LRRC9: variants seen among roughly 807,000 people sequenced by gnomAD.
LRRC9 encodes leucine rich repeat containing 9.
In LRRC9, 122 loss-of-function variants were observed where a neutral mutation model predicts 63.2. That is an observed-to-expected ratio of 1.93 (90% CI 1.67 to 2.24). The LOEUF is 2.24. Ranked by LOEUF, LRRC9 falls within the 30% of genes most tolerant of loss-of-function variation. The pLI, the probability that LRRC9 is intolerant of heterozygous loss-of-function variation, is 0.00. For missense variants in LRRC9, 1,071 were observed against 627.7 expected (o/e 1.71, Z -7.55); for synonymous variants, 366 against 213.1 (o/e 1.72, Z -6.25).
chr14:59,951,868 C>T (rs1340274708), intron 8 of LRRC9, among the ~76,000 whole-genome samples: 2 of 152,290 alleles, frequency 1.3e-5, no homozygotes, highest in African/African-American at 2.4e-5. Context: ...CTCAGATCTC[C>T]AGCTGCGTTC....
In LRRC9 at chr14:59,923,963, A is replaced by G. The variant is rs1449510700; in HGVS notation, c.-33-3948A>G. Among the ~76,000 whole-genome samples, 1 of 152,208 alleles carries G rather than the reference A, an allele frequency of 6.6e-6. No individual in the cohort carries two copies. Among genetic ancestry groups the G allele is most frequent in the Non-Finnish European group, 1.5e-5 (1 of 68,034 alleles). On this transcript the variant is annotated intron_variant, in intron 1 of 31. Coordinates refer to ENST00000445360, the Ensembl canonical transcript of LRRC9. The surrounding 1 kb of genome is among the most constrained non-coding windows in gnomAD (Gnocchi z 4.2). ...TCCGTCTTAAAACAACAATAACAAC[A>G]ACAAAAAACAGATACTCGTGCAGGA... is the stretch of plus-strand genomic sequence containing the variant.
At chr14:59,929,991 A>G (rs1157962358) in intron 3 of LRRC9, among the ~76,000 whole-genome samples, 2 of 151,996 alleles carry the variant, frequency 1.3e-5, no homozygotes, top group Non-Finnish European at 2.9e-5. Context: ...CGTGGGTGAT[A>G]AAGTAATCTG....
At chr14:60,023,637 ATTACT>A (rs1169505498) in intron 27 of LRRC9, among the ~76,000 whole-genome samples, 8 of 152,114 alleles carry the variant, frequency 5.3e-5, no homozygotes, top group East Asian at 1.9e-4. Flanking sequence ...AATAAGCCTC[ATTACT>A]TTACAGTAAT....
At chr14:60,011,276 A>G (rs1292723880) in intron 23 of LRRC9, among the ~76,000 whole-genome samples, 2 of 152,148 alleles carry the variant, frequency 1.3e-5, no homozygotes, top group African/African-American at 4.8e-5. Context: ...TAAAACCATC[A>G]GATCTCATGA....
At chr14:59,965,293 C>A (rs369368471) in intron 10 of LRRC9, among the ~76,000 whole-genome samples, 1 of 152,148 alleles carries the variant, frequency 6.6e-6, no homozygotes, top group Non-Finnish European at 1.5e-5. Context: ...AATATCTTAA[C>A]GTCTCTGAAA....
rs938023879 is a variant in LRRC9, at chr14:59,923,515, A to AT, written c.-34+3638dup. On this transcript the variant is annotated intron_variant, in intron 1 of 31. Transcript: ENST00000445360. The surrounding 1 kb of genome is among the most constrained non-coding windows in gnomAD (Gnocchi z 4.2). Reference sequence around the variant, plus strand: ...CAACCTCAACCAAAATCCCAACTGCATTTTTTAAAACTAAATACAAAATAA... The same window carrying AT: ...CAACCTCAACCAAAATCCCAACTGCATTTTTTTAAAACTAAATACAAAATAA... Among the ~76,000 whole-genome samples the AT allele has an allele frequency of 7.6e-4, 116 of 152,364 alleles. No individual in the cohort carries two copies. Among genetic ancestry groups the AT allele is most frequent in the African/African-American group, 2.4e-3 (101 of 41,592 alleles).
chr14:59,941,460 G>T (rs1343096252), intron 7 of LRRC9, among the ~76,000 whole-genome samples: 1 of 151,196 alleles, frequency 6.6e-6, no homozygotes, highest in Non-Finnish European at 1.5e-5. Context: ...CCTATTAATA[G>T]ATATTTAATA....
chr14:59,942,471 A>G lies in LRRC9; in HGVS notation c.727-2118A>G, dbSNP rs1480712054. 6.6e-6 allele frequency among the ~76,000 whole-genome samples: 1 copy of G among 152,156 alleles called. No homozygotes were observed. Among genetic ancestry groups the G allele is most frequent in the East Asian group, 1.9e-4 (1 of 5,192 alleles). ...TTTACATTTCTACTACCAGCGTATG[A>G]GAGTTCCGTTTTCTGGGCCCAGGTG... is the stretch of plus-strand genomic sequence containing the variant. On this transcript the variant is annotated intron_variant, in intron 7 of 31. Transcript: ENST00000445360. The surrounding 1 kb of genome is among the most constrained non-coding windows in gnomAD (Gnocchi z 5.3).
At chr14:60,057,487 A>G (rs1894367404) in intron 30 of LRRC9, 1 of 154,342 alleles carries the variant, frequency 6.5e-6, no homozygotes, top group Non-Finnish European at 1.4e-5. Flanking sequence ...TTGAGAAATA[A>G]CTTTTACCTC....
chr14:59,965,920 A>AAAAAAAAAAAAAAAAAAT (rs1274886982), intron 10 of LRRC9, among the ~76,000 whole-genome samples: 1 of 136,384 alleles, frequency 7.3e-6, no homozygotes, highest in Admixed American at 7.6e-5. Flanking sequence ...AAAAAAAAAA[A>AAAAAAAAAAAAAAAAAAT]GATACTGGTG....
intron 23 of LRRC9, among the ~76,000 whole-genome samples, chr14:60,011,095 T>C (rs1192128015): frequency 6.6e-6 from 1 of 152,202 alleles, no homozygotes; most frequent in African/African-American, 2.4e-5. Context: ...GTTCTCATGC[T>C]GCCAATAAAG....
Position 60,042,450 on chromosome 14 carries a change from C to A in LRRC9, c.3990+10387C>A, listed in dbSNP as rs1048331129. 1.3e-5 allele frequency among the ~76,000 whole-genome samples: 2 copies of A among 152,224 alleles called. No individual in the cohort carries two copies. Among genetic ancestry groups the A allele is most frequent in the African/African-American group, 4.8e-5 (2 of 41,462 alleles). The stretch of plus-strand genomic sequence containing the variant: ...TTACCTATTCAAGCCTCAGCAATGG[C>A]GGATGCCCCTCCCCTAGCCTCGCTG... On this transcript the variant is annotated intron_variant, in intron 29 of 31. Coordinates refer to ENST00000445360, the Ensembl canonical transcript of LRRC9. This position sits in a 1 kb window ranked among gnomAD's most constrained non-coding sequence, Gnocchi z 4.2.
chr14:59,925,683 C>G (rs1889152805), intron 1 of LRRC9, among the ~76,000 whole-genome samples: 1 of 152,168 alleles, frequency 6.6e-6, no homozygotes, highest in Admixed American at 6.5e-5. Context: ...ATTTCTCAAA[C>G]TCCTTTGATT....
intron 6 of LRRC9, among the ~76,000 whole-genome samples, chr14:59,934,070 C>A (rs1889927382): frequency 6.6e-6 from 1 of 151,332 alleles, no homozygotes; most frequent in Non-Finnish European, 1.5e-5. Context: ...AGAAGAAAAC[C>A]CAGTCAGGAG....
chr14:59,946,389 C>T (rs1882397293), intron 8 of LRRC9, among the ~76,000 whole-genome samples: 1 of 151,082 alleles, frequency 6.6e-6, no homozygotes, highest in African/African-American at 2.4e-5. Context: ...CTGCTATTTT[C>T]ATGTGCAAAT....
intron 8 of LRRC9, among the ~76,000 whole-genome samples, chr14:59,959,337 CT>C (rs1207271616): frequency 6.6e-6 from 1 of 152,086 alleles, no homozygotes; most frequent in African/African-American, 2.4e-5. Context: ...ATGTGCACCC[CT>C]ATATATATGC....
rs1003943996 is a variant in LRRC9 at position 59,938,999 on chromosome 14, A to C, written c.726+427A>C. On this transcript the variant is annotated intron_variant, in intron 7 of 31. Transcript: ENST00000445360. This position sits in a 1 kb window ranked among gnomAD's most constrained non-coding sequence, Gnocchi z 4.2. The stretch of plus-strand genomic sequence containing the variant: ...TATACATATATACACACATATATAC[A>C]TATACATATATACACATATATATAT... Among the ~76,000 whole-genome samples, 1 of 117,044 alleles carries C rather than the reference A, an allele frequency of 8.5e-6. No homozygotes were observed. Among genetic ancestry groups the C allele is most frequent in the Non-Finnish European group, 1.7e-5 (1 of 57,890 alleles). The allele number at this position is 117,044 out of a possible 152,430, so 76.8% of individuals were successfully genotyped here. A position where few individuals can be genotyped will look rare whatever the true frequency, so the allele number is the denominator to read the frequency against.
intron 26 of LRRC9, among the ~76,000 whole-genome samples, chr14:60,020,864 T>C (rs1391123277): frequency 6.6e-6 from 1 of 151,940 alleles, no homozygotes. Context: ...TGTATGGATA[T>C]GTTACATAAT....
At chr14:60,041,932 T>C (rs937350371) in intron 29 of LRRC9, among the ~76,000 whole-genome samples, 10 of 152,248 alleles carry the variant, frequency 6.6e-5, no homozygotes, top group African/African-American at 2.4e-4. Context: ...GGTTTTGGTA[T>C]GGATGTCCTT....
Sources: gnomAD v4.1 joint callset for allele counts (sites outside exome capture counted in the v4.1 genomes callset) on GRCh38, gnomAD v4.1.1 for gene constraint, Gnocchi (gnomAD v3.1) non-coding constraint, MANE v1.5 for transcripts, NCBI Gene and HGNC (gene_info 2026-07-23, HGNC 2026-07-21) for gene names.